The following GPM6A variants were observed in gnomAD, a reference collection of about 807,000 sequenced individuals.
GPM6A encodes the protein neuronal membrane glycoprotein M6-a.
GPM6A carries 7 observed loss-of-function variants against 32.1 expected under a neutral mutation model. The ratio of observed to expected loss-of-function variants is 0.22; its 90% CI spans 0.12 to 0.41. The LOEUF is 0.41. GPM6A is among the 10% of genes least tolerant of loss of function. GPM6A has a pLI of 1.00. For synonymous variants in GPM6A, 130 were observed against 123.4 expected (o/e 1.05, Z -0.35); for missense variants, 235 against 347.2 (o/e 0.68, Z 2.57).
intron 1 of GPM6A, among the ~76,000 whole-genome samples, chr4:175,718,459 T>C (rs781010661): frequency 1.3e-5 from 2 of 151,774 alleles, no homozygotes; most frequent in Non-Finnish European, 2.9e-5. Context: ...CTACTAAAAA[T>C]ACAAAAAATA....
intron 3 of GPM6A, among the ~76,000 whole-genome samples, chr4:175,658,332 C>T (rs1159774693): frequency 6.6e-6 from 1 of 151,056 alleles, no homozygotes; most frequent in Non-Finnish European, 1.5e-5. Context: ...AGGTCATTCA[C>T]TTACTGTGTA....
chr4:175,869,581 A>G (rs566274943), intron 1 of GPM6A, among the ~76,000 whole-genome samples: 2 of 152,126 alleles, frequency 1.3e-5, no homozygotes, highest in Non-Finnish European at 2.9e-5. Flanking sequence ...ACATGGTTAA[A>G]CCTTGTCTCT....
intron 1 of GPM6A, among the ~76,000 whole-genome samples, chr4:175,783,645 GT>G (rs1403053242): frequency 6.6e-6 from 1 of 151,742 alleles, no homozygotes; most frequent in Non-Finnish European, 1.5e-5. Context: ...TCATTTAAAT[GT>G]TTTATACTTT....
At chr4:175,805,524 T>G (rs1734660980) in intron 1 of GPM6A, among the ~76,000 whole-genome samples, 2 of 152,234 alleles carry the variant, frequency 1.3e-5, no homozygotes, top group South Asian at 2.1e-4. Context: ...AGCATCATTC[T>G]CAGGGATAGA....
intron 1 of GPM6A, among the ~76,000 whole-genome samples, chr4:175,987,238 A>C (rs1289332966): frequency 6.6e-6 from 1 of 152,244 alleles, no homozygotes; most frequent in African/African-American, 2.4e-5. Context: ...TTACACAGAT[A>C]GACTTAGCAA....
chr4:175,753,648 G>A (rs1455587659), intron 1 of GPM6A, among the ~76,000 whole-genome samples: 2 of 152,002 alleles, frequency 1.3e-5, no homozygotes, highest in Admixed American at 1.3e-4. Context: ...TTATATTCCA[G>A]CAAATTATTT....
At position 175,694,469 on chromosome 4, in the gene GPM6A, T is replaced by C. The variant is rs530274857; in HGVS notation, c.230+7106A>G. On this transcript the variant is annotated intron_variant, in intron 2 of 6. Transcript: ENST00000393658. ...CTGGGAACTGGAGCAAAGGTCACTT[T>C]TGTTATGCATTAGCAAAGAGGTTGG... 1.7e-4 allele frequency among the ~76,000 whole-genome samples: 26 copies of C among 152,286 alleles called. No homozygotes were observed. The South Asian group carries it at 5.4e-3, about 32-fold the overall frequency.
At chr4:175,757,068 G>T (rs1456535339) in intron 1 of GPM6A, among the ~76,000 whole-genome samples, 1 of 152,022 alleles carries the variant, frequency 6.6e-6, no homozygotes, top group Non-Finnish European at 1.5e-5. Flanking sequence ...CCCTTAGATA[G>T]TCTCCTCCAG....
intron 1 of GPM6A, among the ~76,000 whole-genome samples, chr4:175,878,457 T>C (rs1300004510): frequency 6.6e-6 from 1 of 152,144 alleles, no homozygotes; most frequent in Non-Finnish European, 1.5e-5. Context: ...CCTCAATTCT[T>C]GACTTCTATG....
At chr4:175,881,351 C>T (rs1737269257) in intron 1 of GPM6A, among the ~76,000 whole-genome samples, 1 of 152,128 alleles carries the variant, frequency 6.6e-6, no homozygotes, top group Non-Finnish European at 1.5e-5. Flanking sequence ...ACAACAGGTG[C>T]TAGAGAGGAT....
intron 6 of GPM6A, among the ~76,000 whole-genome samples, chr4:175,636,758 T>G (rs1740640830): frequency 1.3e-5 from 2 of 149,582 alleles, no homozygotes; most frequent in Admixed American, 1.4e-4. Flanking sequence ...ATCATGATAC[T>G]CTCCTCTAGC....
chr4:175,734,873 A>C (rs1731595936), intron 1 of GPM6A, among the ~76,000 whole-genome samples: 1 of 152,032 alleles, frequency 6.6e-6, no homozygotes, highest in African/African-American at 2.4e-5. Flanking sequence ...AAAATGCTAT[A>C]ATATTTACTT....
At position 175,640,137 on chromosome 4, in the gene GPM6A, T is replaced by C; in HGVS notation, c.676A>G (p.Ile226Val). 6.2e-7 allele frequency: 1 copy of C among 1,612,884 alleles called. No individual in the cohort carries two copies. Among genetic ancestry groups the C allele is most frequent in the Non-Finnish European group, 8.5e-7 (1 of 1,178,884 alleles). The change falls in exon 6 of 7, where the codon ATT (isoleucine) becomes GTT (valine). Residue 226 changes from isoleucine to valine, a missense_variant. By Grantham distance (29) the Ile-to-Val change is conservative. Coordinates refer to ENST00000393658, the MANE Select transcript of GPM6A (RefSeq NM_201591.3). Reference sequence around the variant, plus strand: ...GCGCTTTGAGGTCTTACCATAGCAATGACTGCTGCCCCAGCTCCAGCAAGT... The same window carrying C: ...GCGCTTTGAGGTCTTACCATAGCAACGACTGCTGCCCCAGCTCCAGCAAGT... ...VALAGAGAAVIAMVHYLMVLS... is the reference protein window; with the variant it reads ...VALAGAGAAVVAMVHYLMVLS...
chr4:175,780,302 C>T (rs1198274386), intron 1 of GPM6A, among the ~76,000 whole-genome samples: 1 of 152,124 alleles, frequency 6.6e-6, no homozygotes, highest in Non-Finnish European at 1.5e-5. Flanking sequence ...CCTGCCTCGG[C>T]CTCTCAAAGT....
chr4:175,892,181 C>T (rs551302961), intron 1 of GPM6A, among the ~76,000 whole-genome samples: 4 of 152,280 alleles, frequency 2.6e-5, no homozygotes, highest in East Asian at 3.9e-4. Flanking sequence ...TGAATCCTAC[C>T]TAATTGAGAG....
intron 1 of GPM6A, among the ~76,000 whole-genome samples, chr4:175,898,157 A>G (rs1349825527): frequency 6.6e-6 from 1 of 152,176 alleles, no homozygotes; most frequent in Non-Finnish European, 1.5e-5. Context: ...TGATTTCTCC[A>G]TACCAATCCT....
chr4:175,887,648 T>C (rs1013901781), intron 1 of GPM6A, among the ~76,000 whole-genome samples: 2 of 151,608 alleles, frequency 1.3e-5, no homozygotes, highest in African/African-American at 4.8e-5. Flanking sequence ...ACTGCAAGTG[T>C]TATCAAGAAC....
At chr4:175,809,205 G>A (rs1039052910) in intron 1 of GPM6A, among the ~76,000 whole-genome samples, 8 of 152,076 alleles carry the variant, frequency 5.3e-5, no homozygotes, top group Middle Eastern at 3.2e-3. Flanking sequence ...AGTCATAAAC[G>A]CCTACCTGTT....
intron 1 of GPM6A, among the ~76,000 whole-genome samples, chr4:175,772,259 A>C (rs1266251638): frequency 1.3e-5 from 2 of 152,160 alleles, no homozygotes; most frequent in Non-Finnish European, 2.9e-5. Context: ...TCCTCCAGTA[A>C]ATAGCATTTT....
Sources: allele counts gnomAD v4.1 joint callset (sites outside exome capture counted in the v4.1 genomes callset), GRCh38; gene constraint gnomAD v4.1.1; transcripts MANE v1.5; gene names NCBI Gene and HGNC (gene_info 2026-07-23, HGNC 2026-07-21).